Variants in TNFSF13B observed in about 807,000 individuals in gnomAD.
TNFSF13B encodes the protein tumor necrosis factor ligand superfamily member 13B.
A neutral mutation model predicts 29.1 loss-of-function variants in TNFSF13B; 8 were observed. The ratio of observed to expected loss-of-function variants is 0.27; its 90% confidence interval spans 0.16 to 0.50. The LOEUF (loss-of-function observed/expected upper bound fraction) is 0.50. TNFSF13B is among the 20% of genes least tolerant of loss of function. The pLI, the probability that TNFSF13B is intolerant of heterozygous loss-of-function variation, is 0.98. For synonymous variants in TNFSF13B, 125 were observed against 130.8 expected (o/e 0.96, Z 0.30); for missense variants, 248 against 334.9 (o/e 0.74, Z 2.03).
chr13:108,285,256 A>G (rs566978977), intron 2 of TNFSF13B, among the ~76,000 whole-genome samples: 19 of 152,330 alleles, frequency 1.2e-4, no homozygotes, highest in Middle Eastern at 3.4e-3. Flanking sequence ...ACCCTTTAAT[A>G]GTATGTATTT....
intron 3 of TNFSF13B, among the ~76,000 whole-genome samples, chr13:108,287,235 T>C (rs887722856): frequency 9.9e-5 from 15 of 152,158 alleles, no homozygotes; most frequent in African/African-American, 3.6e-4. Flanking sequence ...CTAACCTGCA[T>C]GTTGTGCACA....
chr13:108,285,797 A>G (rs1441711700), intron 2 of TNFSF13B, among the ~76,000 whole-genome samples: 3 of 152,228 alleles, frequency 2.0e-5, no homozygotes, highest in Non-Finnish European at 4.4e-5. Flanking sequence ...AACTCTTAGT[A>G]AAATATTTGG....
chr13:108,277,051 G>A (rs892231122), intron 2 of TNFSF13B, among the ~76,000 whole-genome samples: 1 of 152,050 alleles, frequency 6.6e-6, no homozygotes, highest in East Asian at 1.9e-4. Flanking sequence ...AAATATCTGA[G>A]GTAGGCACTC....
chr13:108,297,281 C>A (rs1480167128), intron 3 of TNFSF13B, among the ~76,000 whole-genome samples: 1 of 145,594 alleles, frequency 6.9e-6, no homozygotes, highest in Non-Finnish European at 1.5e-5. Flanking sequence ...TGGCTTCTGG[C>A]CTCCATGGTT....
At chr13:108,299,594 C>T (rs568961246) in intron 3 of TNFSF13B, among the ~76,000 whole-genome samples, 29 of 152,156 alleles carry the variant, frequency 1.9e-4, no homozygotes, top group Non-Finnish European at 3.7e-4. Context: ...CGCTAATCCT[C>T]ATCCTGACAG....
chr13:108,276,681 C>T (rs918545073), intron 2 of TNFSF13B, among the ~76,000 whole-genome samples: 3 of 152,050 alleles, frequency 2.0e-5, no homozygotes, highest in Admixed American at 6.5e-5. Context: ...GAAAGAAATG[C>T]GTTTTCATTT....
rs529777598 is a variant in TNFSF13B, at chr13:108,302,396, C to T, written c.482-857C>T. ...CTCCCCAAATTTCCCAATCTCCAGC[C>T]TTAGGGCTCACCCTTTATTCAACAC... is the stretch of plus-strand genomic sequence containing the variant. On this transcript the variant is annotated intron_variant, in intron 3 of 5. Transcript: ENST00000375887. Among the ~76,000 whole-genome samples the T allele has an allele frequency of 5.9e-5, 9 of 152,228 alleles. No individual in the cohort carries two copies. In the East Asian group the frequency reaches 1.7e-3, roughly 29 times the overall value.
chr13:108,308,160 G>A lies in TNFSF13B; in HGVS notation c.*1222G>A, dbSNP rs1361348110. 2 of 151,876 alleles carry A rather than the reference G, an allele frequency of 1.3e-5. No individual in the cohort carries two copies. Among genetic ancestry groups the A allele is most frequent in the Admixed American group, 1.3e-4 (2 of 15,230 alleles). The allele number at this position is 151,876 out of a possible 1,614,324, so 9.4% of individuals were successfully genotyped here. On this transcript the variant is annotated 3_prime_UTR_variant, in exon 6 of 6. Transcript: ENST00000375887. ...AGTTTACTTCATTAAACAGTAGGTG[G>A]AAAAATAGATGCCAGTCTATGAAAA...
chr13:108,276,398 G>A (rs1023850596), intron 2 of TNFSF13B, among the ~76,000 whole-genome samples: 1 of 152,142 alleles, frequency 6.6e-6, no homozygotes, highest in Non-Finnish European at 1.5e-5. Context: ...AATTGAAAAC[G>A]TTGACCTTCC....
At chr13:108,302,684 T>G (rs1368627282) in intron 3 of TNFSF13B, 1 of 338,326 alleles carries the variant, frequency 3.0e-6, no homozygotes, top group East Asian at 1.7e-4. Context: ...CAGAAGCCAT[T>G]GAAACTCAAA....
At chr13:108,278,686 C>G (rs1470104463) in intron 2 of TNFSF13B, among the ~76,000 whole-genome samples, 2 of 39,060 alleles carry the variant, frequency 5.1e-5, no homozygotes, top group East Asian at 7.3e-4. Context: ...TCCTCCTTTC[C>G]TCCTCCTCTT....
chr13:108,288,423 C>G (rs946700056), intron 3 of TNFSF13B, among the ~76,000 whole-genome samples: 6 of 152,272 alleles, frequency 3.9e-5, no homozygotes, highest in African/African-American at 1.4e-4. Flanking sequence ...GTTAGGACAT[C>G]TAACTTACCA....
intron 3 of TNFSF13B, among the ~76,000 whole-genome samples, chr13:108,289,279 T>A (rs1881235987): frequency 6.6e-6 from 1 of 151,904 alleles, no homozygotes; most frequent in Admixed American, 6.6e-5. Flanking sequence ...TTGCCACAGA[T>A]CCAGGGGTGC....
At chr13:108,280,069 CT>C (rs35086854) in intron 2 of TNFSF13B, among the ~76,000 whole-genome samples, 206 of 119,986 alleles carry the variant, frequency 1.7e-3, no homozygotes, top group Admixed American at 1.8e-3. Context: ...ATGGCGTCTG[CT>C]TTTTTTTTTT....
rs1395541924 is a variant in TNFSF13B at position 108,303,737 on chromosome 13, TTG to T, written c.745+137_745+138del. 4.3e-6 allele frequency: 4 copies of T among 928,518 alleles called. No individual in the cohort carries two copies. The African/African-American group carries it at 5.0e-5, about 12-fold the overall frequency. The allele number at this position is 928,518 out of a possible 1,614,324, so 57.5% of individuals were successfully genotyped here. A position where few individuals can be genotyped will look rare whatever the true frequency, so the allele number is the denominator to read the frequency against. On this transcript the variant is annotated intron_variant, in intron 5 of 5. Coordinates refer to ENST00000375887, the MANE Select transcript of TNFSF13B (RefSeq NM_006573.5). ...AGACAGAAAGACATTCCTCAATATA[TTG>T]TGTTTTTTAAATCTTGAATAATAAG...
At chr13:108,271,942 T>G (rs1226771168) in intron 2 of TNFSF13B, among the ~76,000 whole-genome samples, 1 of 152,162 alleles carries the variant, frequency 6.6e-6, no homozygotes, top group Non-Finnish European at 1.5e-5. Context: ...ATAAAATTCA[T>G]ATAGTGGAAT....
At chr13:108,287,658 T>C (rs1881185121) in intron 3 of TNFSF13B, among the ~76,000 whole-genome samples, 1 of 152,214 alleles carries the variant, frequency 6.6e-6, no homozygotes, top group Non-Finnish European at 1.5e-5. Context: ...TATATTCAAT[T>C]GTAAAAATCA....
rs1881824776 is a variant in TNFSF13B, at chr13:108,307,891, A to T, written c.*953A>T. On this transcript the variant is annotated 3_prime_UTR_variant, in exon 6 of 6. Coordinates refer to ENST00000375887, the MANE Select transcript of TNFSF13B (RefSeq NM_006573.5). ...AAAATATTCCTCTTATTAGCTTTAT[A>T]TTCACTTTATAGAAGTTGAGTTTTA... The T allele has an allele frequency of 2.0e-5, 3 of 152,062 alleles. No individual in the cohort carries two copies. The South Asian group carries it at 6.2e-4, about 31-fold the overall frequency. The allele number at this position is 152,062 out of a possible 1,614,324, so 9.4% of individuals were successfully genotyped here.
intron 3 of TNFSF13B, among the ~76,000 whole-genome samples, chr13:108,299,612 G>T (rs557445598): frequency 6.6e-6 from 1 of 151,798 alleles, no homozygotes; most frequent in Non-Finnish European, 1.5e-5. Context: ...CAGAGATTTC[G>T]TTAAACATTA....
Sources: allele counts gnomAD v4.1 joint callset (sites outside exome capture counted in the v4.1 genomes callset), GRCh38; gene constraint gnomAD v4.1.1; transcripts MANE v1.5; gene names NCBI Gene and HGNC (gene_info 2026-07-23, HGNC 2026-07-21).